SDC4: variants seen among roughly 807,000 people sequenced by gnomAD.
SDC4 encodes the protein syndecan-4.
Under a neutral mutation model 20.5 loss-of-function variants are expected in SDC4, and 17 were observed. The ratio of observed to expected loss-of-function variants is 0.83; its 90% CI spans 0.57 to 1.25. The LOEUF is 1.25. Ranked by LOEUF, SDC4 falls within the 50% of genes most tolerant of loss-of-function variation. The pLI is 0.00. For missense variants in SDC4, 241 were observed against 252.3 expected (o/e 0.96, Z 0.30); for synonymous variants, 107 against 105.3 (o/e 1.02, Z -0.10).
chr20:45,340,180 C>A (rs1234691827), intron 1 of SDC4, among the ~76,000 whole-genome samples: 1 of 152,212 alleles, frequency 6.6e-6, no homozygotes. Flanking sequence ...CCTATCCCAA[C>A]CCTATCCCCA....
At chr20:45,336,177 C>T (rs1352479068) in intron 1 of SDC4, among the ~76,000 whole-genome samples, 5 of 152,142 alleles carry the variant, frequency 3.3e-5, no homozygotes, top group East Asian at 3.9e-4. Flanking sequence ...CTTTGGGAGG[C>T]GGAGGCAGGC....
intron 3 of SDC4, among the ~76,000 whole-genome samples, chr20:45,331,529 A>G (rs1420374972): frequency 6.6e-6 from 1 of 152,160 alleles, no homozygotes; most frequent in Non-Finnish European, 1.5e-5. Context: ...CATCCTACGT[A>G]ACAGAATGAG....
chr20:45,337,342 C>G (rs1987886809), intron 1 of SDC4, among the ~76,000 whole-genome samples: 1 of 152,188 alleles, frequency 6.6e-6, no homozygotes, highest in Non-Finnish European at 1.5e-5. Context: ...CATGCCCCTC[C>G]CGCTGAAAGA....
chr20:45,333,702 A>G (rs1383025303), intron 2 of SDC4, among the ~76,000 whole-genome samples: 1 of 152,108 alleles, frequency 6.6e-6, no homozygotes, highest in Non-Finnish European at 1.5e-5. Flanking sequence ...CTCCATACGT[A>G]TTCCTAAATA....
chr20:45,343,005 A>G (rs1227789275), intron 1 of SDC4, among the ~76,000 whole-genome samples: 1 of 152,212 alleles, frequency 6.6e-6, no homozygotes, highest in Non-Finnish European at 1.5e-5. Flanking sequence ...GTTCACATCA[A>G]CAAAGTGACG....
chr20:45,338,603 C>T (rs189186076), intron 1 of SDC4, among the ~76,000 whole-genome samples: 1 of 152,268 alleles, frequency 6.6e-6, no homozygotes, highest in African/African-American at 2.4e-5. Flanking sequence ...ATTAGCATGC[C>T]CACTGGCTGT....
chr20:45,330,825 G>A (rs1377248216), intron 3 of SDC4, among the ~76,000 whole-genome samples: 1 of 152,164 alleles, frequency 6.6e-6, no homozygotes, highest in Non-Finnish European at 1.5e-5. Flanking sequence ...CTGCACTGCT[G>A]GCCACTGGTT....
At chr20:45,336,931 C>T (rs549076251) in intron 1 of SDC4, among the ~76,000 whole-genome samples, 17 of 152,118 alleles carry the variant, frequency 1.1e-4, no homozygotes, top group Admixed American at 2.0e-4. Flanking sequence ...ATGCAGACAC[C>T]GAGAGGCACA....
Position 45,344,762 on chromosome 20 carries a change from T to C in SDC4, c.60+3563A>G, listed in dbSNP as rs142621579. On this transcript the variant is annotated intron_variant, in intron 1 of 4. Coordinates refer to ENST00000372733, the MANE Select transcript of SDC4 (RefSeq NM_002999.4). ...GGCCAGCAAAGGGCCCCTCCCCTCA[T>C]CAATGGGCTCTCTGGGCAGGAAGGA... 1.1e-3 allele frequency among the ~76,000 whole-genome samples: 164 copies of C among 152,234 alleles called. 2 individuals are homozygous for C. Among genetic ancestry groups the C allele is most frequent in the African/African-American group, 3.9e-3 (160 of 41,542 alleles).
At chr20:45,341,242 A>T (rs1987948563) in intron 1 of SDC4, among the ~76,000 whole-genome samples, 2 of 152,242 alleles carry the variant, frequency 1.3e-5, no homozygotes, top group African/African-American at 4.8e-5. Context: ...TTGCAGAGGC[A>T]GTTCTGTTGC....
chr20:45,342,981 T>C (rs959448499), intron 1 of SDC4, among the ~76,000 whole-genome samples: 1 of 152,210 alleles, frequency 6.6e-6, no homozygotes, highest in Non-Finnish European at 1.5e-5. Context: ...AGGTGTTTTA[T>C]AGAGGACACT....
In SDC4 at chr20:45,348,119, G is replaced by A. The variant is rs1338801798; in HGVS notation, c.60+206C>T. On this transcript the variant is annotated intron_variant, in intron 1 of 4. Coordinates refer to ENST00000372733, the MANE Select transcript of SDC4 (RefSeq NM_002999.4). The stretch of plus-strand genomic sequence containing the variant: ...CGGGGAGGCGGGAAGAGCAACAGGC[G>A]AGGGGCGCACGGCGCGTGAAGCCAT... Among the ~76,000 whole-genome samples the A allele has an allele frequency of 2.0e-5, 3 of 149,964 alleles. No homozygotes were observed. In the East Asian group the frequency reaches 6.0e-4, roughly 30 times the overall value.
At position 45,325,361 on chromosome 20, in the gene SDC4, A is replaced by G. The variant is rs1428994938; in HGVS notation, c.*1903T>C. 1 of 152,720 alleles carries G rather than the reference A, an allele frequency of 6.5e-6. No individual in the cohort carries two copies. Among genetic ancestry groups the G allele is most frequent in the Non-Finnish European group, 1.5e-5 (1 of 68,078 alleles). 9.5% of individuals were successfully genotyped at this position (152,720 alleles called of 1,614,324 possible). A position where few individuals can be genotyped will look rare whatever the true frequency, so the allele number is the denominator to read the frequency against. The stretch of plus-strand genomic sequence containing the variant: ...ACAGACAACAGTGTGAGAGGTGCCT[A>G]CAGAGGAGGTGCTCACTCCAACACA... On this transcript the variant is annotated 3_prime_UTR_variant, in exon 5 of 5. Coordinates refer to ENST00000372733, the MANE Select transcript of SDC4 (RefSeq NM_002999.4).
At chr20:45,338,675 G>A (rs1987911067) in intron 1 of SDC4, among the ~76,000 whole-genome samples, 1 of 152,214 alleles carries the variant, frequency 6.6e-6, no homozygotes, top group African/African-American at 2.4e-5. Flanking sequence ...GGGGCGTGAA[G>A]ATCTTGCAGC....
At chr20:45,336,014 G>C in intron 1 of SDC4, 94 bp from the exon 2 acceptor site, 1 of 1,417,408 alleles carries the variant, frequency 7.1e-7, no homozygotes, top group Non-Finnish European at 9.6e-7. Context: ...TCAGAAACTA[G>C]AAAGAGACCA....
chr20:45,333,680 TA>T (rs1177700099), intron 2 of SDC4, among the ~76,000 whole-genome samples: 16 of 152,110 alleles, frequency 1.1e-4, no homozygotes, highest in African/African-American at 3.9e-4. Flanking sequence ...AAAAAATAAA[TA>T]AATAAATTCC....
In SDC4 at chr20:45,335,767, G is replaced by C. The variant is rs2072791; in HGVS notation, c.199+15C>G. 1,225,307 of 1,611,998 alleles carry C rather than the reference G, an allele frequency of 0.76. 467,377 individuals are homozygous for C. Among genetic ancestry groups the C allele is most frequent in the East Asian group, 0.91 (40,857 of 44,840 alleles). On this transcript the variant is annotated intron_variant, in intron 2 of 4. Coordinates refer to ENST00000372733, the MANE Select transcript of SDC4 (RefSeq NM_002999.4). ...CCAGCTTTGTGCCTACGCCTGCCCAGCACACCTTCCGTACCCAGATCTCCA... is the reference window on the plus strand; with the variant it reads ...CCAGCTTTGTGCCTACGCCTGCCCACCACACCTTCCGTACCCAGATCTCCA...
At chr20:45,330,262 C>T in intron 4 of SDC4, 104 bp downstream of exon 4, 1 of 1,020,706 alleles carries the variant, frequency 9.8e-7, no homozygotes, top group African/African-American at 1.6e-5. Context: ...AAGGAAGGGG[C>T]ACCAAGGAGC....
At position 45,334,796 on chromosome 20, in the gene SDC4, AT is replaced by A. The variant is rs993199538; in HGVS notation, c.199+985del. ...GCCACCGTGCCCGGCCATAAAATTT[AT>A]TTTTTTTTTAAACCAAACACACACG... On this transcript the variant is annotated intron_variant, in intron 2 of 4. Transcript: ENST00000372733. Among the ~76,000 whole-genome samples the A allele has an allele frequency of 3.2e-3, 478 of 150,370 alleles. 3 individuals are homozygous for A. The highest frequency in any genetic ancestry group is 0.011 in the African/African-American group (432 of 41,084).
Sources: gnomAD v4.1 joint callset for allele counts (sites outside exome capture counted in the v4.1 genomes callset) on GRCh38, gnomAD v4.1.1 for gene constraint, MANE v1.5 for transcripts, NCBI Gene and HGNC (gene_info 2026-07-23, HGNC 2026-07-21) for gene names.